SPOCK1: variants seen among roughly 807,000 people sequenced by gnomAD.
The protein encoded by SPOCK1 is SPARC (osteonectin), cwcv and kazal like domains proteoglycan 1, also known as testican-1.
Under a neutral mutation model 55.3 loss-of-function variants are expected in SPOCK1, and 23 were observed. That is an observed-to-expected ratio of 0.42 (90% CI 0.30 to 0.59). The LOEUF (loss-of-function observed/expected upper bound fraction) is 0.59, where lower values mean the gene tolerates loss of function less well. SPOCK1 is among the 20% of genes least tolerant of loss of function. The probability of loss-of-function intolerance (pLI) is 0.22; values close to 1 mark genes in which losing one functional copy is unlikely to be tolerated. For synonymous variants in SPOCK1, 226 were observed against 221.0 expected, an observed-to-expected ratio of 1.02 and a Z score of -0.20; for missense variants, 499 against 552.5, an observed-to-expected ratio of 0.90 and a Z score of 0.97.
chr5:137,268,355 G>A (rs187292641), intron 2 of SPOCK1, among the ~76,000 whole-genome samples: 55 of 152,226 alleles, frequency 3.6e-4, no homozygotes, highest in African/African-American at 1.2e-3. Context: ...TCAAAGAATT[G>A]CCCACTTTGC....
At chr5:137,097,367 C>T (rs1753172210) in intron 5 of SPOCK1, among the ~76,000 whole-genome samples, 1 of 152,204 alleles carries the variant, frequency 6.6e-6, no homozygotes. Flanking sequence ...AAAGTTGCTG[C>T]TCGCTTAGTC....
In SPOCK1 at chr5:137,002,831, T is replaced by G. The variant is rs553102265; in HGVS notation, c.590-10231A>C. On this transcript the variant is annotated intron_variant, in intron 6 of 10. Coordinates refer to ENST00000394945, the MANE Select transcript of SPOCK1 (RefSeq NM_004598.4). Reference sequence around the variant, plus strand: ...TCCTGGGAAAGGGGCTAGGTGATAATGCCTAATTCCTTCATGGGCCATCCC... The same window carrying G: ...TCCTGGGAAAGGGGCTAGGTGATAAGGCCTAATTCCTTCATGGGCCATCCC... Among the ~76,000 whole-genome samples, 6 of 152,300 alleles carry G rather than the reference T, an allele frequency of 3.9e-5. No homozygotes were observed. The East Asian group carries it at 7.7e-4, about 20-fold the overall frequency.
chr5:136,984,313 T>C (rs1324940788), intron 9 of SPOCK1, among the ~76,000 whole-genome samples: 1 of 151,994 alleles, frequency 6.6e-6, no homozygotes, highest in Non-Finnish European at 1.5e-5. Flanking sequence ...TTCATTTCCT[T>C]CAAATGAATA....
chr5:137,232,154 ACTT>A (rs1480365186), intron 3 of SPOCK1, among the ~76,000 whole-genome samples: 7 of 152,196 alleles, frequency 4.6e-5, no homozygotes, highest in Middle Eastern at 3.4e-3. Flanking sequence ...TTGTCTTTTC[ACTT>A]CTTAACAGAG....
At chr5:137,034,817 G>T (rs1751849317) in intron 6 of SPOCK1, among the ~76,000 whole-genome samples, 1 of 152,192 alleles carries the variant, frequency 6.6e-6, no homozygotes, top group South Asian at 2.1e-4. Flanking sequence ...GTGGCACTGG[G>T]GCCAGGCTGG....
At chr5:137,412,900 G>T (rs1334107260) in intron 2 of SPOCK1, among the ~76,000 whole-genome samples, 3 of 152,212 alleles carry the variant, frequency 2.0e-5, no homozygotes, top group Admixed American at 6.5e-5. Context: ...GAAGATAAAT[G>T]AGAGTCCAAG....
At chr5:137,248,384 AG>A (rs1303923995) in intron 3 of SPOCK1, among the ~76,000 whole-genome samples, 2 of 152,204 alleles carry the variant, frequency 1.3e-5, no homozygotes, top group Admixed American at 1.3e-4. Flanking sequence ...TGGGTCATAT[AG>A]GTGTAAGTGA....
At chr5:137,433,224 CAGA>C (rs1409932757) in intron 2 of SPOCK1, among the ~76,000 whole-genome samples, 1 of 152,170 alleles carries the variant, frequency 6.6e-6, no homozygotes, top group Non-Finnish European at 1.5e-5. Flanking sequence ...ATTGCTGAAA[CAGA>C]AGGAGTGTTA....
chr5:137,239,670 T>C (rs1756246331), intron 3 of SPOCK1, among the ~76,000 whole-genome samples: 1 of 151,710 alleles, frequency 6.6e-6, no homozygotes, highest in Non-Finnish European at 1.5e-5. Context: ...TTGCTTGGTG[T>C]GGAAAAAAAA....
At chr5:137,397,575 C>T (rs1751879730) in intron 2 of SPOCK1, among the ~76,000 whole-genome samples, 1 of 152,176 alleles carries the variant, frequency 6.6e-6, no homozygotes. Flanking sequence ...GTCTCCTTTT[C>T]CTTGCCAACA....
At chr5:137,488,151 C>A (rs4976449) in intron 2 of SPOCK1, among the ~76,000 whole-genome samples, 55,785 of 151,770 alleles carry the variant, frequency 0.37, 10,366 homozygotes, top group East Asian at 0.46. Flanking sequence ...CCAAGGTGGG[C>A]GGATCACTTG....
At chr5:136,996,586 C>G (rs1346147127) in intron 6 of SPOCK1, among the ~76,000 whole-genome samples, 2 of 152,078 alleles carry the variant, frequency 1.3e-5, no homozygotes, top group East Asian at 3.9e-4. Context: ...TTCTCAGCAT[C>G]CTACTGAGAG....
At position 137,499,302 on chromosome 5, in the gene SPOCK1, C is replaced by G. The variant is rs1055111688; in HGVS notation, c.-124G>C. On this transcript the variant is annotated 5_prime_UTR_variant, in exon 1 of 11. Transcript: ENST00000394945. The stretch of plus-strand genomic sequence containing the variant: ...CCACACGCCGCCGCCGAGCGTCTGG[C>G]CGCTTTGTGAGCCCGCAGCGATGTG... 2.0e-5 allele frequency: 3 copies of G among 151,772 alleles called. No individual in the cohort carries two copies. The highest frequency in any genetic ancestry group is 4.4e-5 in the Non-Finnish European group (3 of 67,916). The allele number at this position is 151,772 out of a possible 1,614,324, so 9.4% of individuals were successfully genotyped here. A position where few individuals can be genotyped will look rare whatever the true frequency, so the allele number is the denominator to read the frequency against.
intron 2 of SPOCK1, among the ~76,000 whole-genome samples, chr5:137,492,468 C>T (rs1382288189): frequency 1.3e-5 from 2 of 152,142 alleles, no homozygotes; most frequent in African/African-American, 4.8e-5. Flanking sequence ...TAACTTGACC[C>T]CTGGATCCAG....
At chr5:137,485,689 T>C (rs928973393) in intron 2 of SPOCK1, among the ~76,000 whole-genome samples, 1 of 152,000 alleles carries the variant, frequency 6.6e-6, no homozygotes, top group African/African-American at 2.4e-5. Flanking sequence ...AAATAAATTG[T>C]GGAATATTTA....
chr5:136,980,606 G>T (rs532198879), intron 9 of SPOCK1, among the ~76,000 whole-genome samples: 1 of 152,156 alleles, frequency 6.6e-6, no homozygotes, highest in South Asian at 2.1e-4. Flanking sequence ...CTCTGCACAC[G>T]CTCTCTTGCC....
chr5:137,472,294 T>C (rs1580945535), intron 2 of SPOCK1, among the ~76,000 whole-genome samples: 1 of 149,060 alleles, frequency 6.7e-6, no homozygotes, highest in Non-Finnish European at 1.5e-5. Flanking sequence ...TCTCTTCAAC[T>C]CCCCCATCAC....
At chr5:137,436,990 G>A (rs1752879182) in intron 2 of SPOCK1, among the ~76,000 whole-genome samples, 1 of 152,204 alleles carries the variant, frequency 6.6e-6, no homozygotes, top group African/African-American at 2.4e-5. Context: ...GAATGAATGA[G>A]TGACGAATGG....
At chr5:137,127,153 T>G (rs1013261444) in intron 4 of SPOCK1, among the ~76,000 whole-genome samples, 8 of 152,196 alleles carry the variant, frequency 5.3e-5, no homozygotes, top group Admixed American at 2.6e-4. Flanking sequence ...ATGGTGAGAT[T>G]AGTCAGTGAC....
Sources: gnomAD v4.1 joint callset for allele counts (sites outside exome capture counted in the v4.1 genomes callset) on GRCh38, gnomAD v4.1.1 for gene constraint, MANE v1.5 for transcripts, NCBI Gene and HGNC (gene_info 2026-07-23, HGNC 2026-07-21) for gene names.